AFMID: variants seen among roughly 807,000 people sequenced by gnomAD.
AFMID encodes the protein kynurenine formamidase.
AFMID carries 39 observed loss-of-function variants against 47.5 expected under a neutral mutation model. That is an observed-to-expected ratio of 0.82 (90% confidence interval 0.64 to 1.07). The LOEUF (loss-of-function observed/expected upper bound fraction) is 1.07. Ranked by LOEUF, AFMID falls within the 50% of genes least tolerant of loss-of-function variation. AFMID has a pLI of 0.00. For synonymous variants in AFMID, 130 were observed against 153.2 expected (o/e 0.85, Z 1.12); for missense variants, 375 against 387.5 (o/e 0.97, Z 0.27).
In AFMID at chr17:78,205,672, T is replaced by A. The variant is rs1255754613; in HGVS notation, c.714T>A (p.Arg238=). The A allele has an allele frequency of 1.9e-6, 3 of 1,613,514 alleles. No homozygotes were observed. Among genetic ancestry groups the A allele is most frequent in the Non-Finnish European group, 2.5e-6 (3 of 1,179,974 alleles). The change falls in exon 9 of 11, where the codon CGT becomes CGA. Residue 238 remains arginine, a synonymous_variant. Transcript: ENST00000409257. ...AQAQPVDPTC[R]VLVVVGQFDS... ...CACAGCCGGTGGACCCCACCTGCCGTGTGCTGGTGGTCGTGGGCCAGTTCG... is the reference window on the plus strand; with the variant it reads ...CACAGCCGGTGGACCCCACCTGCCGAGTGCTGGTGGTCGTGGGCCAGTTCG...
At chr17:78,189,049 C>T (rs1161959225) in intron 1 of AFMID, among the ~76,000 whole-genome samples, 1 of 151,328 alleles carries the variant, frequency 6.6e-6, no homozygotes, top group Non-Finnish European at 1.5e-5. Context: ...ATACCTTCTA[C>T]CAGTCAGGAA....
chr17:78,193,370 C>CAAAAAA (rs199993168), intron 2 of AFMID, among the ~76,000 whole-genome samples: 5 of 68,952 alleles, frequency 7.3e-5, no homozygotes, highest in African/African-American at 9.4e-5. Context: ...GACTCTGTCT[C>CAAAAAA]AAAAAAAAAA....
At position 78,206,051 on chromosome 17, in the gene AFMID, G is replaced by T. The variant is rs1470214157; in HGVS notation, c.885+1G>T. 1 of 1,613,896 alleles carries T rather than the reference G, an allele frequency of 6.2e-7. No individual in the cohort carries two copies. Among genetic ancestry groups the T allele is most frequent in the Admixed American group, 1.7e-5 (1 of 59,990 alleles). ...CCAGAAGGACAACGTGCTCACCCAGGTGGGGCCTCATCCCTGGCAGCCCTT... is the reference window on the plus strand; with the variant it reads ...CCAGAAGGACAACGTGCTCACCCAGTTGGGGCCTCATCCCTGGCAGCCCTT... On this transcript the variant is annotated splice_donor_variant, in intron 10 of 10. Transcript: ENST00000409257. LOFTEE classifies it high-confidence loss of function.
intron 2 of AFMID, among the ~76,000 whole-genome samples, chr17:78,195,791 C>T (rs930701290): frequency 2.0e-5 from 3 of 152,088 alleles, no homozygotes; most frequent in East Asian, 1.9e-4. Context: ...CCACCACGCC[C>T]GGCCTTGCAG....
chr17:78,204,672 T>C lies in AFMID; in HGVS notation c.325T>C (p.Phe109Leu). Residue 109 changes from phenylalanine (F) to leucine (L), a missense_variant, in exon 5 of 11, where the codon TTC (phenylalanine) becomes CTC (leucine). By Grantham distance (22) the Phe-to-Leu change is conservative (BLOSUM62 0). Coordinates refer to ENST00000409257, the MANE Select transcript of AFMID (RefSeq NM_001010982.5). Reference protein sequence around the residue: ...WQSGSKDESAFMVHPLTAQGV... With the variant: ...WQSGSKDESALMVHPLTAQGV... ...TCTCTGCAGTAAGGATGAGTCTGCCTTCATGGTCCACCCGCTGACGGCACA... is the reference window on the plus strand; with the variant it reads ...TCTCTGCAGTAAGGATGAGTCTGCCCTCATGGTCCACCCGCTGACGGCACA... 1 of 1,614,112 alleles carries C rather than the reference T, an allele frequency of 6.2e-7. No homozygotes were observed. Among genetic ancestry groups the C allele is most frequent in the Non-Finnish European group, 8.5e-7 (1 of 1,180,018 alleles).
chr17:78,199,071 G>T (rs1182958047), intron 2 of AFMID, among the ~76,000 whole-genome samples: 1 of 152,196 alleles, frequency 6.6e-6, no homozygotes, highest in Non-Finnish European at 1.5e-5. Flanking sequence ...ACGTCAGTAC[G>T]CAGGGAGCCC....
At chr17:78,202,802 T>TG (rs1567853171) in intron 4 of AFMID, 51 bp downstream of exon 4, 4 of 1,547,696 alleles carry the variant, frequency 2.6e-6, no homozygotes, top group Admixed American at 2.0e-5. Context: ...CCACTTTCCC[T>TG]GGGGGACTCC....
chr17:78,204,514 G>A, intron 4 of AFMID, 142 bp from the exon 5 acceptor site: 1 of 769,344 alleles, frequency 1.3e-6, no homozygotes, highest in Non-Finnish European at 2.2e-6. Flanking sequence ...GAGAGAGCCT[G>A]TCCGCTTCAC....
At chr17:78,194,536 C>G (rs2076058757) in intron 2 of AFMID, among the ~76,000 whole-genome samples, 1 of 152,194 alleles carries the variant, frequency 6.6e-6, no homozygotes, top group Non-Finnish European at 1.5e-5. Context: ...AGCCTCATCC[C>G]CATCAAGGCC....
At chr17:78,191,205 C>A (rs911347890) in intron 2 of AFMID, 145 bp downstream of exon 2, 33 of 701,174 alleles carry the variant, frequency 4.7e-5, no homozygotes, top group Non-Finnish European at 7.4e-5. Flanking sequence ...ATAAACCTCC[C>A]TGCTCAGGGG....
chr17:78,196,935 C>T (rs2076129817), intron 2 of AFMID, among the ~76,000 whole-genome samples: 1 of 152,142 alleles, frequency 6.6e-6, no homozygotes. Context: ...TGAGTCACTT[C>T]ATTCTCTGTC....
intron 2 of AFMID, among the ~76,000 whole-genome samples, chr17:78,195,505 GTTTTTT>G (rs1302498783): frequency 7.4e-6 from 1 of 134,834 alleles, no homozygotes; most frequent in Non-Finnish European, 1.6e-5. Flanking sequence ...CTGCAGTCCT[GTTTTTT>G]TTTTTTTTGG....
chr17:78,204,065 ACT>A (rs2076315213), intron 4 of AFMID: 1 of 152,610 alleles, frequency 6.6e-6, no homozygotes, highest in Non-Finnish European at 1.5e-5. Context: ...TGCACACAAA[ACT>A]CTCTACACTG....
chr17:78,197,131 C>G, intron 2 of AFMID: 1 of 1,547,292 alleles, frequency 6.5e-7, no homozygotes, highest in Non-Finnish European at 8.7e-7. Flanking sequence ...CAACTTTAAT[C>G]TAGTCCATTT....
At chr17:78,196,586 G>C (rs1448150896) in intron 2 of AFMID, among the ~76,000 whole-genome samples, 1 of 152,034 alleles carries the variant, frequency 6.6e-6, no homozygotes, top group Non-Finnish European at 1.5e-5. Context: ...GGCTGAAGTG[G>C]GAGAATAGCT....
At chr17:78,195,196 T>C (rs969637659) in intron 2 of AFMID, among the ~76,000 whole-genome samples, 3 of 151,858 alleles carry the variant, frequency 2.0e-5, no homozygotes, top group African/African-American at 7.3e-5. Context: ...TTCTTTCTTT[T>C]TTTTTTTCTT....
At chr17:78,205,341 GC>G (rs1295624336) in intron 7 of AFMID, 98 bp from the exon 8 acceptor site, 1 of 1,469,606 alleles carries the variant, frequency 6.8e-7, no homozygotes, top group African/African-American at 1.4e-5. Context: ...CCTCCTCTGT[GC>G]CCCTTCCCCT....
chr17:78,201,540 C>T (rs1461194170), intron 2 of AFMID, among the ~76,000 whole-genome samples: 6 of 151,868 alleles, frequency 4.0e-5, no homozygotes, highest in African/African-American at 7.3e-5. Context: ...GATTGCTTGG[C>T]GCCGGGAGTT....
chr17:78,188,393 T>C (rs1245497146), intron 1 of AFMID, among the ~76,000 whole-genome samples: 2 of 152,192 alleles, frequency 1.3e-5, no homozygotes, highest in African/African-American at 2.4e-5. Context: ...CTCGCATGCT[T>C]TATCTCTTTT....
Sources: allele counts gnomAD v4.1 joint callset (sites outside exome capture counted in the v4.1 genomes callset), GRCh38; gene constraint gnomAD v4.1.1; transcripts MANE v1.5; gene names NCBI Gene and HGNC (gene_info 2026-07-23, HGNC 2026-07-21).